The following SH3GL2 variants were observed in gnomAD, a reference collection of about 807,000 sequenced individuals.
SH3GL2 encodes the protein SH3 domain containing GRB2 like 2, endophilin A1, also known as endophilin-A1.
Under a neutral mutation model 46.0 loss-of-function variants are expected in SH3GL2, and 24 were observed. The ratio of observed to expected loss-of-function variants is 0.52; its 90% CI spans 0.38 to 0.73. The LOEUF (loss-of-function observed/expected upper bound fraction) is 0.73, where lower values mean the gene tolerates loss of function less well. SH3GL2 is among the 30% of genes least tolerant of loss of function. The probability of loss-of-function intolerance (pLI) is 0.00; values close to 1 mark genes in which losing one functional copy is unlikely to be tolerated. For synonymous variants in SH3GL2, 196 were observed against 147.1 expected, an observed-to-expected ratio of 1.33 and a Z score of -2.40; for missense variants, 413 against 424.2, an observed-to-expected ratio of 0.97 and a Z score of 0.23.
At chr9:17,681,951 A>G (rs1469176685) in intron 1 of SH3GL2, among the ~76,000 whole-genome samples, 2 of 152,224 alleles carry the variant, frequency 1.3e-5, no homozygotes, top group East Asian at 3.9e-4. Flanking sequence ...AAAGCTCAAC[A>G]TCACTGAAAA....
At chr9:17,619,176 T>C (rs1479518908) in intron 1 of SH3GL2, among the ~76,000 whole-genome samples, 1 of 152,170 alleles carries the variant, frequency 6.6e-6, no homozygotes, top group Non-Finnish European at 1.5e-5. Context: ...GATCCCCTAG[T>C]TGATGGCAGA....
chr9:17,725,649 G>T (rs1382965873), intron 1 of SH3GL2, among the ~76,000 whole-genome samples: 1 of 152,128 alleles, frequency 6.6e-6, no homozygotes, highest in Non-Finnish European at 1.5e-5. Flanking sequence ...CTCTCTTCGT[G>T]TGGAATGTCT....
intron 1 of SH3GL2, among the ~76,000 whole-genome samples, chr9:17,697,030 G>GATACTGTC (rs138968319): frequency 4.6e-5 from 6 of 129,174 alleles, no homozygotes; most frequent in South Asian, 2.6e-4. Flanking sequence ...TTGGAACCTT[G>GATACTGTC]ATACTGTCCT....
chr9:17,772,968 G>T (rs1469244191), intron 3 of SH3GL2, among the ~76,000 whole-genome samples: 2 of 152,100 alleles, frequency 1.3e-5, no homozygotes, highest in African/African-American at 4.8e-5. Context: ...ACAAGGGTTC[G>T]AGTTACTCTA....
chr9:17,642,564 T>TGCAAATGGCCAGCCAGTTTTCC (rs1187839233), intron 1 of SH3GL2, among the ~76,000 whole-genome samples: 3 of 152,242 alleles, frequency 2.0e-5, no homozygotes, highest in African/African-American at 7.2e-5. Context: ...TTCAGTTTTC[T>TGCAAATGGCCAGCCAGTTTTCC]GCATATGGCC....
intron 1 of SH3GL2, among the ~76,000 whole-genome samples, chr9:17,720,376 G>T (rs891018449): frequency 6.6e-6 from 1 of 152,104 alleles, no homozygotes; most frequent in African/African-American, 2.4e-5. Flanking sequence ...GGCAGCCCCC[G>T]AACCAAAATA....
At chr9:17,719,582 C>T (rs1588271087) in intron 1 of SH3GL2, among the ~76,000 whole-genome samples, 1 of 151,964 alleles carries the variant, frequency 6.6e-6, no homozygotes, top group East Asian at 1.9e-4. Context: ...TTGAGCCCAG[C>T]AGTTTGATCC....
At chr9:17,681,265 TC>T (rs1340422840) in intron 1 of SH3GL2, among the ~76,000 whole-genome samples, 3 of 151,768 alleles carry the variant, frequency 2.0e-5, no homozygotes, top group African/African-American at 7.3e-5. Context: ...AACAAAAGAG[TC>T]TAATCAGTAT....
chr9:17,597,456 G>A (rs1818595458), intron 1 of SH3GL2, among the ~76,000 whole-genome samples: 1 of 151,960 alleles, frequency 6.6e-6, no homozygotes, highest in African/African-American at 2.4e-5. Context: ...GGTGGAGGTT[G>A]CAGTGAGCCA....
chr9:17,660,429 C>G (rs930201633), intron 1 of SH3GL2, among the ~76,000 whole-genome samples: 2 of 152,158 alleles, frequency 1.3e-5, no homozygotes, highest in Non-Finnish European at 2.9e-5. Flanking sequence ...TGTTCTGTAG[C>G]TGAGCCGGTA....
intron 1 of SH3GL2, among the ~76,000 whole-genome samples, chr9:17,646,590 C>G (rs1012740452): frequency 6.6e-6 from 1 of 152,154 alleles, no homozygotes; most frequent in African/African-American, 2.4e-5. Context: ...GATGTTGATA[C>G]TATTGCTTTC....
chr9:17,638,375 A>T (rs987884147), intron 1 of SH3GL2, among the ~76,000 whole-genome samples: 1 of 152,138 alleles, frequency 6.6e-6, no homozygotes, highest in Non-Finnish European at 1.5e-5. Context: ...AGGTATATAA[A>T]CCAGCAAAAC....
intron 1 of SH3GL2, among the ~76,000 whole-genome samples, chr9:17,623,145 AG>A (rs1377003756): frequency 4.8e-5 from 7 of 144,582 alleles, no homozygotes; most frequent in African/African-American, 7.9e-5. Flanking sequence ...GGTGAAATAA[AG>A]CCCTGGTTCT....
intron 1 of SH3GL2, among the ~76,000 whole-genome samples, chr9:17,685,333 T>C (rs1002895980): frequency 6.6e-6 from 1 of 152,088 alleles, no homozygotes; most frequent in African/African-American, 2.4e-5. Context: ...TAATTCTTGC[T>C]TTTGAGGACT....
chr9:17,707,093 A>G lies in SH3GL2; in HGVS notation c.46-39973A>G, dbSNP rs114852170. 6.9e-3 allele frequency among the ~76,000 whole-genome samples: 1,054 copies of G among 152,150 alleles called. 13 individuals carry two copies. Among genetic ancestry groups the G allele is most frequent in the African/African-American group, 0.024 (1,004 of 41,540 alleles). ...CCAGAAAATCAGGAGAGCAGCCTAC[A>G]GTAATGGGGGGAACTTGTGCTTTTA... On this transcript the variant is annotated intron_variant, in intron 1 of 8. Transcript: ENST00000380607.
At chr9:17,668,699 C>G (rs1397747461) in intron 1 of SH3GL2, among the ~76,000 whole-genome samples, 1 of 151,888 alleles carries the variant, frequency 6.6e-6, no homozygotes, top group African/African-American at 2.4e-5. Flanking sequence ...TTTTGTTGCC[C>G]AGGCTGGAGT....
chr9:17,711,683 A>G (rs1821628953), intron 1 of SH3GL2, among the ~76,000 whole-genome samples: 1 of 151,998 alleles, frequency 6.6e-6, no homozygotes, highest in South Asian at 2.1e-4. Flanking sequence ...CATTGCATGA[A>G]TATACCACAG....
intron 1 of SH3GL2, among the ~76,000 whole-genome samples, chr9:17,712,123 A>G (rs1821642320): frequency 6.6e-6 from 1 of 151,602 alleles, no homozygotes; most frequent in Admixed American, 6.6e-5. Context: ...TTGATGATGT[A>G]TCTGTTCAAA....
chr9:17,597,897 A>G (rs1818603611), intron 1 of SH3GL2, among the ~76,000 whole-genome samples: 1 of 152,154 alleles, frequency 6.6e-6, no homozygotes, highest in Admixed American at 6.5e-5. Flanking sequence ...AACAAACAGT[A>G]AGCATTCGCC....
Sources: gnomAD v4.1 joint callset for allele counts (sites outside exome capture counted in the v4.1 genomes callset) on GRCh38, gnomAD v4.1.1 for gene constraint, MANE v1.5 for transcripts, NCBI Gene and HGNC (gene_info 2026-07-23, HGNC 2026-07-21) for gene names.